NCAPD2: variants seen among roughly 807,000 people sequenced by gnomAD.
NCAPD2 encodes condensin complex subunit 1.
Under a neutral mutation model 164.5 loss-of-function variants are expected in NCAPD2, and 100 were observed. That is an observed-to-expected ratio of 0.61 (90% CI 0.52 to 0.72). NCAPD2 has a LOEUF of 0.72. Among genes scored for constraint, NCAPD2 ranks in the 30% least tolerant of loss-of-function variants. NCAPD2 has a pLI of 0.00. For synonymous variants in NCAPD2, 585 were observed against 642.6 expected (o/e 0.91, Z 1.36); for missense variants, 1,560 against 1,749.2 (o/e 0.89, Z 1.93).
chr12:6,521,145 C>T, intron 14 of NCAPD2, 35 bp downstream of exon 14: 5 of 1,608,810 alleles, frequency 3.1e-6, no homozygotes, highest in African/African-American at 1.3e-5. Flanking sequence ...ATAAATAACA[C>T]ATGTCAACTG....
At position 6,528,697 on chromosome 12, in the gene NCAPD2, G is replaced by GC. The variant is rs1425718880; in HGVS notation, c.3319dup (p.Gln1107ProfsTer49). On this transcript the variant is annotated frameshift_variant, in exon 26 of 32. Coordinates refer to ENST00000315579, the MANE Select transcript of NCAPD2 (RefSeq NM_014865.4). LOFTEE classifies it high-confidence loss of function. The surrounding 1 kb of genome is among the most constrained non-coding windows in gnomAD (Gnocchi z 5.1). ...TTCCTAGTCTCCGGGACCCTGCTCA[G>GC]CAAGTGCGGAAAACAGCGGGGCTGG... The GC allele has an allele frequency of 5.0e-6, 8 of 1,612,894 alleles. No individual in the cohort carries two copies. The South Asian group carries it at 7.7e-5, about 15-fold the overall frequency.
chr12:6,509,934 C>A, intron 3 of NCAPD2, 141 bp from the exon 4 acceptor site: 1 of 1,255,746 alleles, frequency 8.0e-7, no homozygotes, highest in Non-Finnish European at 1.1e-6. Flanking sequence ...GAGCATGTAC[C>A]CAGCTTGCCA....
intron 14 of NCAPD2, among the ~76,000 whole-genome samples, 163 bp from the exon 15 acceptor site, chr12:6,521,635 C>T (rs890740478): frequency 6.6e-6 from 1 of 152,108 alleles, no homozygotes; most frequent in South Asian, 2.1e-4. Flanking sequence ...CTGCAGTGAG[C>T]GGTGATCATT....
Position 6,513,715 on chromosome 12 carries a change from C to CTTTTTTTTTTTTT in NCAPD2, c.588-544_588-532dup, listed in dbSNP as rs71067124. Among the ~76,000 whole-genome samples the CTTTTTTTTTTTTT allele has an allele frequency of 9.9e-4, 74 of 74,876 alleles. 19 individuals carry two copies. Among genetic ancestry groups the CTTTTTTTTTTTTT allele is most frequent in the Non-Finnish European group, 1.2e-3 (46 of 39,366 alleles). 49.1% of individuals were successfully genotyped at this position (74,876 alleles called of 152,430 possible). On this transcript the variant is annotated intron_variant, in intron 6 of 31. Coordinates refer to ENST00000315579, the MANE Select transcript of NCAPD2 (RefSeq NM_014865.4). ...AATGAGAAGTCATTGGTGACTTTGT[C>CTTTTTTTTTTTTT]TTTTTTTTTTTTTTTTTTGTGATGG...
At chr12:6,526,843 G>A in intron 21 of NCAPD2, 48 bp from the exon 22 acceptor site, 4 of 1,562,540 alleles carry the variant, frequency 2.6e-6, no homozygotes, top group Non-Finnish European at 3.5e-6. Context: ...GGTTTGATGG[G>A]ACTTAAAAAT....
Position 6,521,090 on chromosome 12 carries a change from T to C in NCAPD2, c.1694T>C (p.Ile565Thr). 6.2e-7 allele frequency: 1 copy of C among 1,614,198 alleles called. No individual in the cohort carries two copies. The highest frequency in any genetic ancestry group is 1.1e-5 in the South Asian group (1 of 91,080). ...EESEETRLLN[I>T]LGLIFKGPAA... ...TCAGAGGAGACCAGGCTCTTGAATA[T>C]CTTAGGACTTATCTTCAAAGGTAAT... is the stretch of plus-strand genomic sequence containing the variant. The change falls in exon 14 of 32, where the codon ATC becomes ACC. Residue 565 changes from isoleucine (I) to threonine (T), a missense_variant. Transcript: ENST00000315579.
chr12:6,528,649 G>C lies in NCAPD2; in HGVS notation c.3300-30G>C, dbSNP rs201129453. 3 of 1,598,824 alleles carry C rather than the reference G, an allele frequency of 1.9e-6. No homozygotes were observed. Among genetic ancestry groups the C allele is most frequent in the Non-Finnish European group, 2.6e-6 (3 of 1,168,840 alleles). ...TGTTAGGGTGTAGCCCGGAGGTCTC[G>C]GTCCCCATGACCCGCAATTCCATTC... On this transcript the variant is annotated intron_variant, in intron 25 of 31. Coordinates refer to ENST00000315579, the MANE Select transcript of NCAPD2 (RefSeq NM_014865.4). The surrounding 1 kb of genome is among the most constrained non-coding windows in gnomAD (Gnocchi z 5.1).
rs77013243 is a variant in NCAPD2, at chr12:6,517,403, A to C, written c.1224A>C (p.Leu408Phe). Residue 408 changes from leucine to phenylalanine, a missense_variant, in exon 11 of 32, where the codon TTA becomes TTC. Coordinates refer to ENST00000315579, the MANE Select transcript of NCAPD2 (RefSeq NM_014865.4). ...PLTRFQAVVA[L>F]AVGRLADKSV... ...CACGTTTCCAGGCAGTGGTGGCTTTAGCTGTGGGACGTCTGGCAGACAAGT... is the reference window on the plus strand; with the variant it reads ...CACGTTTCCAGGCAGTGGTGGCTTTCGCTGTGGGACGTCTGGCAGACAAGT... 4 of 1,614,220 alleles carry C rather than the reference A, an allele frequency of 2.5e-6. No homozygotes were observed. The East Asian group carries it at 8.9e-5, about 36-fold the overall frequency.
At chr12:6,504,196 TATATATATATATATATATATAGATATAG>T (rs200331648) in intron 2 of NCAPD2, among the ~76,000 whole-genome samples, 43,590 of 92,554 alleles carry the variant, frequency 0.47, 8,471 homozygotes, top group African/African-American at 0.59. Context: ...TATATATATA[TATATATATATATATATATATAGATATAG>T]ATATATATAT....
chr12:6,518,254 G>A (rs1946222361), intron 13 of NCAPD2: 1 of 213,274 alleles, frequency 4.7e-6, no homozygotes, highest in Non-Finnish European at 9.4e-6. Flanking sequence ...AGTTCTAGTT[G>A]TATGATCTTG....
At chr12:6,510,405 C>G in intron 4 of NCAPD2, 1 of 785,806 alleles carries the variant, frequency 1.3e-6, no homozygotes, top group East Asian at 2.4e-5. Context: ...GGTGATTCTT[C>G]CAGTTGCTGG....
In NCAPD2 at chr12:6,511,122, C is replaced by G; in HGVS notation, c.457C>G (p.Arg153Gly). Residue 153 changes from arginine to glycine, a missense_variant, in exon 6 of 32, where the codon CGG becomes GGG. Physicochemically the swap from Arg to Gly is moderately radical, Grantham distance 125. Transcript: ENST00000315579. ...LDLGGKGKKA[R>G]TKAAHGFDWE... is the part of the protein sequence containing the mutation. The stretch of plus-strand genomic sequence containing the variant: ...TGATCCTTTTTAGGGTAAGAAAGCT[C>G]GGACCAAGGCAGCCCATGGCTTTGA... 6.2e-7 allele frequency: 1 copy of G among 1,613,864 alleles called. No homozygotes were observed. Among genetic ancestry groups the G allele is most frequent in the Non-Finnish European group, 8.5e-7 (1 of 1,179,922 alleles).
At chr12:6,518,504 G>GTTTTTTGTTTTT (rs1946226490) in intron 13 of NCAPD2, among the ~76,000 whole-genome samples, 4 of 44,774 alleles carry the variant, frequency 8.9e-5, no homozygotes, top group African/African-American at 4.1e-4. Context: ...CCGTCAACAA[G>GTTTTTTGTTTTT]TTTTTTTTTT....
chr12:6,506,897 TA>T (rs746744866), intron 2 of NCAPD2, among the ~76,000 whole-genome samples: 20 of 152,098 alleles, frequency 1.3e-4, no homozygotes, highest in Non-Finnish European at 2.6e-4. Context: ...ATTAGCATAT[TA>T]GTGGACCTAC....
Position 6,528,648 on chromosome 12 carries a change from C to T in NCAPD2, c.3300-31C>T, listed in dbSNP as rs376916144. The T allele has an allele frequency of 1.2e-3, 1,853 of 1,597,246 alleles. 3 individuals carry two copies. Among genetic ancestry groups the T allele is most frequent in the Non-Finnish European group, 1.5e-3 (1,782 of 1,167,930 alleles). ...GTGTTAGGGTGTAGCCCGGAGGTCT[C>T]GGTCCCCATGACCCGCAATTCCATT... On this transcript the variant is annotated intron_variant, in intron 25 of 31. Transcript: ENST00000315579. The surrounding 1 kb of genome is among the most constrained non-coding windows in gnomAD (Gnocchi z 5.1).
At chr12:6,497,907 G>A (rs925881216) in intron 2 of NCAPD2, among the ~76,000 whole-genome samples, 3 of 147,494 alleles carry the variant, frequency 2.0e-5, no homozygotes, top group South Asian at 2.1e-4. Flanking sequence ...GTGAGCCACC[G>A]CGCCCAGCCA....
chr12:6,526,323 C>T lies in NCAPD2; in HGVS notation c.2518C>T (p.Pro840Ser). Reference sequence around the variant, plus strand: ...CAAACGTCACCCCCCCTTCCGGCTGCCTCAGGAACACAGGTTGTTTGAGCG... The same window carrying T: ...CAAACGTCACCCCCCCTTCCGGCTGTCTCAGGAACACAGGTTGTTTGAGCG... The part of the protein sequence containing the change: ...LGKRHPPFRL[P>S]QEHRLFERLR... The change falls in exon 20 of 32, where the codon CCT (proline) becomes TCT (serine). Residue 840 changes from proline (P) to serine (S), a missense_variant. Pro to Ser is a moderately conservative substitution (Grantham distance 74). Coordinates refer to ENST00000315579, the MANE Select transcript of NCAPD2 (RefSeq NM_014865.4). 6.2e-7 allele frequency: 1 copy of T among 1,614,174 alleles called. No individual in the cohort carries two copies. The highest frequency in any genetic ancestry group is 8.5e-7 in the Non-Finnish European group (1 of 1,180,018).
intron 2 of NCAPD2, among the ~76,000 whole-genome samples, chr12:6,503,274 A>T (rs112532995): frequency 6.6e-6 from 1 of 152,148 alleles, no homozygotes; most frequent in Non-Finnish European, 1.5e-5. Context: ...ACTGAGAAAA[A>T]TATGCTGTTA....
rs902902403 is a variant in NCAPD2 at position 6,510,577 on chromosome 12, G to A, written c.263-52G>A. The A allele has an allele frequency of 2.5e-6, 4 of 1,590,612 alleles. No individual in the cohort carries two copies. The African/African-American group carries it at 5.4e-5, about 21-fold the overall frequency. On this transcript the variant is annotated intron_variant, in intron 4 of 31. Coordinates refer to ENST00000315579, the MANE Select transcript of NCAPD2 (RefSeq NM_014865.4). ...GCAAGTGCTGGGTGTTTTGAAGTTG[G>A]GGTATATGAAAGAAGTGAGTGAAAC...
Sources: allele counts gnomAD v4.1 joint callset (sites outside exome capture counted in the v4.1 genomes callset), GRCh38; gene constraint gnomAD v4.1.1; non-coding constraint Gnocchi (gnomAD v3.1); transcripts MANE v1.5; gene names NCBI Gene and HGNC (gene_info 2026-07-23, HGNC 2026-07-21).